The following DDX6 variants were observed in gnomAD, a reference collection of about 807,000 sequenced individuals.
DDX6 encodes DEAD-box helicase 6, also known as probable ATP-dependent RNA helicase DDX6.
DDX6 carries 7 observed loss-of-function variants against 60.6 expected under a neutral mutation model. The ratio of observed to expected loss-of-function variants is 0.12; its 90% CI spans 0.07 to 0.22. The LOEUF (loss-of-function observed/expected upper bound fraction) is 0.22, where lower values mean the gene tolerates loss of function less well. DDX6 is among the 10% of genes least tolerant of loss of function. The pLI, the probability that DDX6 is intolerant of heterozygous loss-of-function variation, is 1.00. For missense variants in DDX6, 270 were observed against 589.9 expected (o/e 0.46, Z 5.62); for synonymous variants, 207 against 201.0 (o/e 1.03, Z -0.25).
intron 3 of DDX6, among the ~76,000 whole-genome samples, chr11:118,780,612 C>T (rs1401226324): frequency 1.3e-5 from 2 of 152,126 alleles, no homozygotes; most frequent in African/African-American, 4.8e-5. Context: ...CCACTGTGCC[C>T]GGCCCTTGGT....
chr11:118,748,694 T>C lies in DDX6; in HGVS notation c.*3411A>G, dbSNP rs1452251693. On this transcript the variant is annotated 3_prime_UTR_variant, in exon 14 of 14. Coordinates refer to ENST00000534980, the MANE Select transcript of DDX6 (RefSeq NM_004397.6). The stretch of plus-strand genomic sequence containing the variant: ...AGCTTCCAAAGTGTTTCTAAATCCT[T>C]AGTGCAGACACCCTCCCTTCTGGGG... 1.3e-5 allele frequency: 2 copies of C among 152,064 alleles called. No individual in the cohort carries two copies. The highest frequency in any genetic ancestry group is 4.8e-5 in the African/African-American group (2 of 41,390). The allele number at this position is 152,064 out of a possible 1,614,324, so 9.4% of individuals were successfully genotyped here. A position where few individuals can be genotyped will look rare whatever the true frequency, so the allele number is the denominator to read the frequency against.
At chr11:118,771,838 G>A (rs1861545027) in intron 4 of DDX6, among the ~76,000 whole-genome samples, 2 of 152,206 alleles carry the variant, frequency 1.3e-5, no homozygotes, top group Admixed American at 6.5e-5. Context: ...CTCATACACT[G>A]CTAGTGGGAA....
At chr11:118,772,928 C>T (rs1180969865) in intron 4 of DDX6, among the ~76,000 whole-genome samples, 4 of 152,296 alleles carry the variant, frequency 2.6e-5, no homozygotes, top group South Asian at 4.1e-4. Context: ...ACTGGGCCAG[C>T]GGAATGTTGC....
intron 4 of DDX6, among the ~76,000 whole-genome samples, chr11:118,775,239 C>T (rs1202198014): frequency 6.6e-6 from 1 of 152,156 alleles, no homozygotes; most frequent in African/African-American, 2.4e-5. Context: ...TCGCTTGAAC[C>T]CGGGAGGCAG....
In DDX6 at chr11:118,786,086, G is replaced by C. The variant is rs1267029171; in HGVS notation, c.166C>G (p.Gln56Glu). The change falls in exon 2 of 14, where the codon CAG becomes GAG. Residue 56 changes from glutamine (Q) to glutamate (E), a missense_variant. Coordinates refer to ENST00000534980, the MANE Select transcript of DDX6 (RefSeq NM_004397.6). Reference sequence around the variant, plus strand: ...GTGGTCATACTCTGTGCTTGCTGCTGAGTGCCATTATTGATTGTGTTGGTG... The same window carrying C: ...GTGGTCATACTCTGTGCTTGCTGCTCAGTGCCATTATTGATTGTGTTGGTG... Reference protein sequence around the residue: ...KNTNTINNGTQQQAQSMTTTI... With the variant: ...KNTNTINNGTEQQAQSMTTTI... 6.2e-7 allele frequency: 1 copy of C among 1,613,916 alleles called. No homozygotes were observed. The highest frequency in any genetic ancestry group is 1.7e-5 in the Admixed American group (1 of 59,998).
At chr11:118,777,897 G>GAAAAAAA (rs374046858) in intron 4 of DDX6, among the ~76,000 whole-genome samples, 2 of 99,626 alleles carry the variant, frequency 2.0e-5, no homozygotes, top group Non-Finnish European at 3.8e-5. Flanking sequence ...TCAAAAAAGA[G>GAAAAAAA]AAAAAAAAAA....
rs782136763 is a variant in DDX6 at position 118,768,987 on chromosome 11, C to CAAAAAAAAAAAAAAAA, written c.370-651_370-636dup. Among the ~76,000 whole-genome samples, 4 of 39,984 alleles carry CAAAAAAAAAAAAAAAA rather than the reference C, an allele frequency of 1.0e-4. 1 individual carries two copies. The highest frequency in any genetic ancestry group is 3.1e-4 in the African/African-American group (3 of 9,810). 26.2% of individuals were successfully genotyped at this position (39,984 alleles called of 152,430 possible). On this transcript the variant is annotated intron_variant, in intron 4 of 13. Coordinates refer to ENST00000534980, the MANE Select transcript of DDX6 (RefSeq NM_004397.6). ...GCATGAAAGAGACCTCGTCTCATCT[C>CAAAAAAAAAAAAAAAA]AAAAAAAAAAAAAAAAAAAAAAGGC...
intron 4 of DDX6, among the ~76,000 whole-genome samples, chr11:118,779,158 A>C (rs1555164163): frequency 6.7e-6 from 1 of 149,254 alleles, no homozygotes; most frequent in African/African-American, 2.4e-5. Context: ...CCAGTTGCCA[A>C]AAAAAAAAAA....
chr11:118,756,021 C>A (rs375583768), intron 11 of DDX6, among the ~76,000 whole-genome samples: 3,236 of 121,338 alleles, frequency 0.027, 256 homozygotes, highest in African/African-American at 0.098. Context: ...CCCCCTCCCC[C>A]CCCCCCCCAA....
chr11:118,781,221 C>T lies in DDX6; in HGVS notation c.201-37G>A, dbSNP rs199647694. The stretch of plus-strand genomic sequence containing the variant: ...ACAGTAAACTTGAAGTATCAAAATT[C>T]ATAGCATCCTAACAAAGATGATTCA... On this transcript the variant is annotated intron_variant, in intron 2 of 13. Transcript: ENST00000534980. 1.3e-4 allele frequency: 168 copies of T among 1,313,682 alleles called. No individual in the cohort carries two copies. The African/African-American group carries it at 2.0e-3, about 16-fold the overall frequency. The allele number at this position is 1,313,682 out of a possible 1,614,324, so 81.4% of individuals were successfully genotyped here. A position where few individuals can be genotyped will look rare whatever the true frequency, so the allele number is the denominator to read the frequency against.
At chr11:118,781,234 C>G in intron 2 of DDX6, 50 bp from the exon 3 acceptor site, 1 of 1,155,754 alleles carries the variant, frequency 8.7e-7, no homozygotes, top group Non-Finnish European at 1.3e-6. Context: ...AGCATCCTAA[C>G]AAAGATGATT....
intron 4 of DDX6, among the ~76,000 whole-genome samples, chr11:118,773,660 GAAA>G (rs880002071): frequency 6.9e-6 from 1 of 144,078 alleles, no homozygotes; most frequent in Non-Finnish European, 1.5e-5. Context: ...TGCTTAACAG[GAAA>G]AAAAAAAAGG....
chr11:118,787,442 C>G (rs1416566472), intron 1 of DDX6: 2 of 151,858 alleles, frequency 1.3e-5, no homozygotes, highest in African/African-American at 4.8e-5. Context: ...GCACTCCAGC[C>G]TCAGCGACAG....
intron 7 of DDX6, among the ~76,000 whole-genome samples, chr11:118,762,641 A>G (rs901582991): frequency 3.3e-5 from 5 of 152,172 alleles, no homozygotes; most frequent in Admixed American, 1.3e-4. Context: ...ACCAGGAAAA[A>G]TATCAATCTT....
chr11:118,759,799 A>C lies in DDX6; in HGVS notation c.864+123T>G, dbSNP rs1555159761. ...AATCTTTAATTGATCAACTGAAGAAAGAGCCAAAGGCTTGAAATAATTAGC... is the reference window on the plus strand; with the variant it reads ...AATCTTTAATTGATCAACTGAAGAACGAGCCAAAGGCTTGAAATAATTAGC... On this transcript the variant is annotated intron_variant, in intron 8 of 13. Transcript: ENST00000534980. The C allele has an allele frequency of 2.7e-6, 3 of 1,119,326 alleles. No individual in the cohort carries two copies. The African/African-American group carries it at 4.9e-5, about 18-fold the overall frequency. The allele number at this position is 1,119,326 out of a possible 1,614,324, so 69.3% of individuals were successfully genotyped here.
Position 118,772,720 on chromosome 11 carries a change from T to C in DDX6, c.370-4368A>G, listed in dbSNP as rs114482862. ...AGCTTAGGGCTGACATCTGCCACCT[T>C]AGGTCTCCAAATTCACATTCACTGT... On this transcript the variant is annotated intron_variant, in intron 4 of 13. Coordinates refer to ENST00000534980, the MANE Select transcript of DDX6 (RefSeq NM_004397.6). 3.7e-3 allele frequency among the ~76,000 whole-genome samples: 559 copies of C among 152,324 alleles called. 2 individuals are homozygous for C. Among genetic ancestry groups the C allele is most frequent in the African/African-American group, 0.013 (540 of 41,580 alleles).
chr11:118,778,917 T>C (rs1303758911), intron 4 of DDX6, among the ~76,000 whole-genome samples: 10 of 152,116 alleles, frequency 6.6e-5, no homozygotes, highest in Admixed American at 1.3e-4. Context: ...TGGTGGCTAA[T>C]GTCTGTAATC....
At chr11:118,768,421 C>A (rs1184773609) in intron 4 of DDX6, 69 bp from the exon 5 acceptor site, 2 of 1,535,106 alleles carry the variant, frequency 1.3e-6, no homozygotes, top group East Asian at 4.5e-5. Context: ...CTCTGAAATA[C>A]ACTGAAGGAT....
Position 118,768,224 on chromosome 11 carries a change from T to C in DDX6, c.498A>G (p.Gln166=). ...ERLDLKKDNI[Q]AMVIVPTREL... ...AAAACAAACTTTTATTCAACTAACC[T>C]TGTATATTGTCCTTCTTCAGGTCTA... The change falls in exon 5 of 14, where the codon CAA becomes CAG. Residue 166 remains glutamine (Q), a splice_region_variant and synonymous_variant. Transcript: ENST00000534980. 6.2e-7 allele frequency: 1 copy of C among 1,613,488 alleles called. No homozygotes were observed. Among genetic ancestry groups the C allele is most frequent in the Non-Finnish European group, 8.5e-7 (1 of 1,179,676 alleles).
Sources: gnomAD v4.1 joint callset for allele counts (sites outside exome capture counted in the v4.1 genomes callset) on GRCh38, gnomAD v4.1.1 for gene constraint, MANE v1.5 for transcripts, NCBI Gene and HGNC (gene_info 2026-07-23, HGNC 2026-07-21) for gene names.